Variants in L3MBTL4 observed in about 807,000 individuals in gnomAD.
L3MBTL4 encodes the protein L3MBTL histone methyl-lysine binding protein 4.
L3MBTL4 carries 70 observed loss-of-function variants against 84.5 expected under a neutral mutation model. The ratio of observed to expected loss-of-function variants is 0.83; its 90% CI spans 0.68 to 1.01. The LOEUF (loss-of-function observed/expected upper bound fraction) is 1.01, where lower values mean the gene tolerates loss of function less well. Ranked by LOEUF, L3MBTL4 falls within the 50% of genes least tolerant of loss-of-function variation. The pLI, the probability that L3MBTL4 is intolerant of heterozygous loss-of-function variation, is 0.00. For synonymous variants in L3MBTL4, 274 were observed against 259.8 expected, an observed-to-expected ratio of 1.05 and a Z score of -0.52; for missense variants, 715 against 754.8, an observed-to-expected ratio of 0.95 and a Z score of 0.62.
At chr18:6,287,024 T>A (rs561262129) in intron 4 of L3MBTL4, among the ~76,000 whole-genome samples, 1 of 152,294 alleles carries the variant, frequency 6.6e-6, no homozygotes, top group East Asian at 1.9e-4. Flanking sequence ...TGGTCCTTCT[T>A]GGTAAGTCTG....
chr18:6,005,023 T>TTTTTTTTTTTC, intron 16 of L3MBTL4, among the ~76,000 whole-genome samples: 1 of 139,726 alleles, frequency 7.2e-6, no homozygotes. Flanking sequence ...TTTTTTTTTT[T>TTTTTTTTTTTC]TTTTACTTTT....
At chr18:6,405,177 T>A (rs2055674257) in intron 1 of L3MBTL4, among the ~76,000 whole-genome samples, 1 of 152,216 alleles carries the variant, frequency 6.6e-6, no homozygotes, top group African/African-American at 2.4e-5. Context: ...TTTTTCAGTT[T>A]TCAAAAAGTG....
chr18:5,981,516 C>G (rs779623609), intron 16 of L3MBTL4, among the ~76,000 whole-genome samples: 1 of 152,142 alleles, frequency 6.6e-6, no homozygotes, highest in South Asian at 2.1e-4. Context: ...CAGGTCCTGT[C>G]GGAAACTAAG....
At chr18:6,078,265 A>G (rs1242570250) in intron 16 of L3MBTL4, among the ~76,000 whole-genome samples, 1 of 151,726 alleles carries the variant, frequency 6.6e-6, no homozygotes, top group Non-Finnish European at 1.5e-5. Context: ...CATCTCTGCT[A>G]AACTACAAAA....
At chr18:6,314,679 C>A (rs1375112247) in intron 1 of L3MBTL4, among the ~76,000 whole-genome samples, 2 of 152,074 alleles carry the variant, frequency 1.3e-5, no homozygotes, top group Non-Finnish European at 2.9e-5. Flanking sequence ...CTGCATGTTG[C>A]CAAATACTAA....
intron 12 of L3MBTL4, among the ~76,000 whole-genome samples, chr18:6,207,329 G>C (rs1327752104): frequency 6.6e-6 from 1 of 152,174 alleles, no homozygotes; most frequent in Non-Finnish European, 1.5e-5. Flanking sequence ...AGGCCAACTG[G>C]TTCCCACCTG....
At chr18:6,022,759 G>A (rs925655199) in intron 16 of L3MBTL4, among the ~76,000 whole-genome samples, 8 of 152,210 alleles carry the variant, frequency 5.3e-5, no homozygotes, top group Non-Finnish European at 8.8e-5. Flanking sequence ...TAAGGCAGGA[G>A]TGAAATCCAA....
intron 13 of L3MBTL4, among the ~76,000 whole-genome samples, chr18:6,171,009 G>A (rs776575274): frequency 6.6e-6 from 1 of 152,302 alleles, no homozygotes; most frequent in South Asian, 2.1e-4. Context: ...ATGTAGAACT[G>A]TTTGTCCAAT....
intron 16 of L3MBTL4, among the ~76,000 whole-genome samples, chr18:6,004,283 T>C (rs184085218): frequency 2.0e-5 from 3 of 152,258 alleles, no homozygotes; most frequent in African/African-American, 7.2e-5. Flanking sequence ...ACAGATGATA[T>C]GGACAAATTC....
At chr18:6,267,800 T>C (rs530986158) in intron 4 of L3MBTL4, among the ~76,000 whole-genome samples, 1 of 152,314 alleles carries the variant, frequency 6.6e-6, no homozygotes, top group Admixed American at 6.5e-5. Flanking sequence ...ATAAAAGCTT[T>C]CATTGAATTG....
At chr18:6,172,314 A>G (rs969958643) in intron 12 of L3MBTL4, among the ~76,000 whole-genome samples, 1 of 152,168 alleles carries the variant, frequency 6.6e-6, no homozygotes, top group Non-Finnish European at 1.5e-5. Context: ...CAGCATCATC[A>G]ACAGTAAGAG....
intron 15 of L3MBTL4, among the ~76,000 whole-genome samples, chr18:6,090,401 A>G (rs1230626361): frequency 6.6e-6 from 1 of 152,098 alleles, no homozygotes; most frequent in Non-Finnish European, 1.5e-5. Context: ...ACAAAGATTA[A>G]TATAAGAGCA....
At chr18:6,098,862 C>A (rs2058723131) in intron 14 of L3MBTL4, among the ~76,000 whole-genome samples, 1 of 152,010 alleles carries the variant, frequency 6.6e-6, no homozygotes, top group African/African-American at 2.4e-5. Flanking sequence ...CTGGGTGGGC[C>A]GGGGGCATCT....
intron 16 of L3MBTL4, among the ~76,000 whole-genome samples, chr18:6,049,847 C>A (rs1242281036): frequency 6.6e-6 from 1 of 152,206 alleles, no homozygotes; most frequent in Non-Finnish European, 1.5e-5. Flanking sequence ...CAAACCTGTA[C>A]ATGTAACCCT....
intron 16 of L3MBTL4, among the ~76,000 whole-genome samples, chr18:6,016,883 C>T (rs191703203): frequency 3.4e-4 from 52 of 152,244 alleles, no homozygotes; most frequent in African/African-American, 1.2e-3. Context: ...AGAGAAAAGA[C>T]GCTGTGGAGA....
At chr18:6,255,779 C>CAAAAAAA (rs80253863) in intron 5 of L3MBTL4, among the ~76,000 whole-genome samples, 1 of 66,170 alleles carries the variant, frequency 1.5e-5, no homozygotes. Flanking sequence ...ATATAAAAGG[C>CAAAAAAA]AAAAAAAAAA....
chr18:6,196,297 A>G (rs917695260), intron 12 of L3MBTL4, among the ~76,000 whole-genome samples: 3 of 151,758 alleles, frequency 2.0e-5, no homozygotes, highest in Admixed American at 6.6e-5. Flanking sequence ...AGCTGGGACT[A>G]CAGGCGCCCG....
intron 16 of L3MBTL4, among the ~76,000 whole-genome samples, chr18:6,049,819 T>C (rs1041616945): frequency 1.3e-5 from 2 of 152,210 alleles, no homozygotes; most frequent in Admixed American, 6.5e-5. Context: ...CTCAGCATCA[T>C]GTAATATATC....
intron 12 of L3MBTL4, among the ~76,000 whole-genome samples, chr18:6,195,617 A>C (rs930997502): frequency 2.0e-5 from 3 of 152,178 alleles, no homozygotes; most frequent in Non-Finnish European, 2.9e-5. Flanking sequence ...CCTCACCACA[A>C]TTTTTGCAGT....
Sources: allele counts gnomAD v4.1 joint callset (sites outside exome capture counted in the v4.1 genomes callset), GRCh38; gene constraint gnomAD v4.1.1; transcripts MANE v1.5; gene names NCBI Gene and HGNC (gene_info 2026-07-23, HGNC 2026-07-21).